Variants in FSCN2 observed in about 807,000 individuals in gnomAD.
FSCN2 encodes fascin-2.
Under a neutral mutation model 37.8 loss-of-function variants are expected in FSCN2, and 46 were observed. The observed-to-expected ratio is 1.22, with a 90% CI of 0.96 to 1.56. The LOEUF (loss-of-function observed/expected upper bound fraction) is 1.56, where lower values mean the gene tolerates loss of function less well. Among genes scored for constraint, FSCN2 ranks in the 40% most tolerant of loss-of-function variants. The pLI is 0.00. For synonymous variants in FSCN2, 351 were observed against 309.4 expected (o/e 1.13, Z -1.41); for missense variants, 844 against 730.4 (o/e 1.16, Z -1.79).
chr17:81,531,342 G>A (rs797024007), intron 1 of FSCN2, among the ~76,000 whole-genome samples: 13 of 45,560 alleles, frequency 2.9e-4, no homozygotes, highest in African/African-American at 9.0e-4. Context: ...GGTGATGGTG[G>A]TGGTGATGAT....
the FSCN2 span, among the ~76,000 whole-genome samples, chr17:81,516,115 ATTACAGGC>A: frequency 1.3e-5 from 2 of 152,230 alleles, no homozygotes. Flanking sequence ...AAGTGCTGGG[ATTACAGGC>A]GTGAGCCACC....
At chr17:81,519,191 G>A in the FSCN2 span, 1 of 152,336 alleles carries the variant, frequency 6.6e-6, no homozygotes, top group Non-Finnish European at 1.5e-5. Context: ...GGCTGCACGT[G>A]GTCGCGCGCT....
intron 1 of FSCN2, among the ~76,000 whole-genome samples, chr17:81,532,194 G>GTGGTGGTGGTGA (rs1568078836): frequency 6.2e-5 from 8 of 128,424 alleles, no homozygotes; most frequent in African/African-American, 2.8e-4. Context: ...GGTGGTGATG[G>GTGGTGGTGGTGA]TGGTGGTGGT....
chr17:81,533,832 G>A (rs2032771747), intron 1 of FSCN2, among the ~76,000 whole-genome samples: 1 of 152,182 alleles, frequency 6.6e-6, no homozygotes, highest in Non-Finnish European at 1.5e-5. Context: ...GCAACTCTGG[G>A]GACACCAAAG....
chr17:81,531,363 A>AAGGTGTTGATGATGG (rs2032571867), intron 1 of FSCN2, among the ~76,000 whole-genome samples: 1 of 56,976 alleles, frequency 1.8e-5, no homozygotes, highest in Non-Finnish European at 3.4e-5. Context: ...GGTGATGGTG[A>AAGGTGTTGATGATGG]TGATGGTGGT....
chr17:81,531,519 G>GTGGTGATGGTGA (rs2032600420), intron 1 of FSCN2, among the ~76,000 whole-genome samples: 4 of 120,298 alleles, frequency 3.3e-5, no homozygotes, highest in African/African-American at 1.3e-4. Flanking sequence ...GATGGTGATG[G>GTGGTGATGGTGA]TGGTGATGGC....
chr17:81,536,572 G>A, intron 3 of FSCN2, 50 bp from the exon 4 acceptor site: 3 of 1,601,434 alleles, frequency 1.9e-6, no homozygotes, highest in Non-Finnish European at 2.5e-6. Flanking sequence ...GCCCGGCCTG[G>A]ACAGGGAAGG....
At chr17:81,517,458 G>A in the FSCN2 span, among the ~76,000 whole-genome samples, 13 of 152,324 alleles carry the variant, frequency 8.5e-5, no homozygotes, top group South Asian at 2.1e-4. Context: ...ACAGGAGGCC[G>A]TCAGGTGGCC....
At chr17:81,532,437 G>GTGATGA (rs370696059) in intron 1 of FSCN2, among the ~76,000 whole-genome samples, 1 of 114,670 alleles carries the variant, frequency 8.7e-6, no homozygotes, top group Admixed American at 8.2e-5. Context: ...GATGATAATG[G>GTGATGA]TGATGATGAT....
chr17:81,525,023 G>C (rs1568071510), upstream of FSCN2, among the ~76,000 whole-genome samples: 2 of 152,186 alleles, frequency 1.3e-5, no homozygotes, highest in African/African-American at 2.4e-5. Context: ...AGGAGGCCAA[G>C]GTGGGAGGAT....
Position 81,535,115 on chromosome 17 carries a change from A to G in FSCN2, c.890A>G (p.Asp297Gly). ...LDHETFLMQI[D>G]QETKKCTFYS... is the part of the protein sequence containing the mutation. Reference sequence around the variant, plus strand: ...CACGAGACCTTCCTGATGCAAATTGACCAGGAGACAAAGAAGTGCACCTTC... The same window carrying G: ...CACGAGACCTTCCTGATGCAAATTGGCCAGGAGACAAAGAAGTGCACCTTC... The change falls in exon 2 of 5, where the codon GAC (aspartate) becomes GGC (glycine). Residue 297 changes from aspartate to glycine, a missense_variant. Coordinates refer to ENST00000417245, the MANE Select transcript of FSCN2 (RefSeq NM_012418.4). 1 of 1,533,890 alleles carries G rather than the reference A, an allele frequency of 6.5e-7. No homozygotes were observed. Among genetic ancestry groups the G allele is most frequent in the Non-Finnish European group, 8.7e-7 (1 of 1,145,226 alleles).
chr17:81,534,137 C>T (rs1273204130), intron 1 of FSCN2, among the ~76,000 whole-genome samples: 2 of 152,294 alleles, frequency 1.3e-5, no homozygotes, highest in Admixed American at 1.3e-4. Context: ...TGAGGGAGAT[C>T]CCAGCCTGGG....
rs150620080 is a variant in FSCN2 at position 81,529,222 on chromosome 17, C to T, written c.691C>T (p.Pro231Ser). ...FKDCDGHYLA[P>S]VGPAGTLKAG... is the part of the protein sequence containing the mutation. ...GGACTGCGACGGCCACTACCTGGCACCCGTGGGGCCCGCAGGCACCCTCAA... is the reference window on the plus strand; with the variant it reads ...GGACTGCGACGGCCACTACCTGGCATCCGTGGGGCCCGCAGGCACCCTCAA... The change falls in exon 1 of 5, where the codon CCC becomes TCC. Residue 231 changes from proline (P) to serine (S), a missense_variant. Coordinates refer to ENST00000417245, the MANE Select transcript of FSCN2 (RefSeq NM_012418.4). 6.6e-4 allele frequency: 1,056 copies of T among 1,599,126 alleles called. 3 individuals carry two copies. Among genetic ancestry groups the T allele is most frequent in the Middle Eastern group, 2.2e-3 (13 of 6,038 alleles).
rs782382783 is a variant in FSCN2, at chr17:81,528,740, C to T, written c.209C>T (p.Ser70Leu). ...AGCAGCCACCTGGGCCGCTACCTGT[C>T]GGCAGAAGAGGACGGGCGCGTGGCC... ...LRSSHLGRYL[S>L]AEEDGRVACE... is the part of the protein sequence containing the mutation. The change falls in exon 1 of 5, where the codon TCG becomes TTG. Residue 70 changes from serine (S) to leucine (L), a missense_variant. Ser to Leu is a moderately radical substitution (Grantham distance 145, BLOSUM62 -2). Coordinates refer to ENST00000417245, the MANE Select transcript of FSCN2 (RefSeq NM_012418.4). The T allele has an allele frequency of 3.6e-5, 57 of 1,593,282 alleles. No homozygotes were observed. The highest frequency in any genetic ancestry group is 6.9e-5 in the East Asian group (3 of 43,754).
intron 1 of FSCN2, chr17:81,529,743 G>C (rs1352261113): frequency 2.1e-6 from 1 of 477,746 alleles, no homozygotes; most frequent in East Asian, 5.7e-5. Context: ...TGAGGGGCAT[G>C]TGGGCAGGAG....
upstream of FSCN2, among the ~76,000 whole-genome samples, chr17:81,526,851 C>T (rs189086639): frequency 2.2e-3 from 331 of 152,238 alleles, 1 homozygote; most frequent in African/African-American, 7.4e-3. Flanking sequence ...TGGTTTCGCA[C>T]ACAGTTGGTG....
chr17:81,528,115 G>C (rs147524027), upstream of FSCN2, among the ~76,000 whole-genome samples: 3 of 152,300 alleles, frequency 2.0e-5, no homozygotes, highest in Non-Finnish European at 4.4e-5. Flanking sequence ...GGGCAGGAAC[G>C]AGAGAGGCCA....
Position 81,536,724 on chromosome 17 carries a change from A to T in FSCN2, c.1208A>T (p.Asp403Val). 6.2e-7 allele frequency: 1 copy of T among 1,611,268 alleles called. No individual in the cohort carries two copies. The highest frequency in any genetic ancestry group is 2.2e-5 in the East Asian group (1 of 44,866). Residue 403 changes from aspartate to valine, a missense_variant, in exon 4 of 5, where the codon GAC becomes GTC. Asp to Val is a radical substitution (Grantham distance 152). Transcript: ENST00000417245. Reference protein sequence around the residue: ...VCHHRGSNQLDTNRSVYDVFH... With the variant: ...VCHHRGSNQLVTNRSVYDVFH... ...CACCACCGCGGCTCCAACCAGCTGG[A>T]CACCAACCGCTCCGTCTACGACGTC...
intron 3 of FSCN2, 149 bp from the exon 4 acceptor site, chr17:81,536,473 C>G: frequency 2.6e-6 from 4 of 1,519,002 alleles, no homozygotes; most frequent in Non-Finnish European, 3.5e-6. Context: ...GCTGGGAACC[C>G]CCTAGGCGCC....
Sources: gnomAD v4.1 joint callset for allele counts (sites outside exome capture counted in the v4.1 genomes callset) on GRCh38, gnomAD v4.1.1 for gene constraint, MANE v1.5 for transcripts, NCBI Gene and HGNC (gene_info 2026-07-23, HGNC 2026-07-21) for gene names.